Variants in CSMD3 observed in about 807,000 individuals in gnomAD.
CSMD3 encodes CUB and Sushi multiple domains 3.
A neutral mutation model predicts 435.2 loss-of-function variants in CSMD3; 177 were observed. The observed-to-expected ratio is 0.41, with a 90% CI of 0.36 to 0.46. CSMD3 has a LOEUF of 0.46. Ranked by LOEUF, CSMD3 falls within the 20% of genes least tolerant of loss-of-function variation. The pLI is 0.34. For synonymous variants in CSMD3, 1,656 were observed against 1,520.5 expected (o/e 1.09, Z -2.07); for missense variants, 4,265 against 4,504.6 (o/e 0.95, Z 1.52).
intron 7 of CSMD3, among the ~76,000 whole-genome samples, chr8:112,965,938 T>C (rs1000455930): frequency 6.6e-6 from 1 of 151,860 alleles, no homozygotes; most frequent in Non-Finnish European, 1.5e-5. Context: ...AATGATAAAT[T>C]GGTACATTTC....
intron 13 of CSMD3, among the ~76,000 whole-genome samples, chr8:112,795,799 C>A (rs1009793571): frequency 1.3e-5 from 2 of 152,092 alleles, no homozygotes; most frequent in Non-Finnish European, 2.9e-5. Flanking sequence ...CTAATTATTA[C>A]AATGCCTAAT....
intron 5 of CSMD3, among the ~76,000 whole-genome samples, chr8:113,093,157 A>G (rs905468286): frequency 4.6e-5 from 7 of 152,102 alleles, no homozygotes; most frequent in African/African-American, 1.7e-4. Flanking sequence ...TTGAGCAAAG[A>G]TATGTGTACA....
intron 4 of CSMD3, among the ~76,000 whole-genome samples, chr8:113,168,859 T>C (rs1182817504): frequency 6.6e-6 from 1 of 152,164 alleles, no homozygotes; most frequent in Non-Finnish European, 1.5e-5. Context: ...TAATTGGGAC[T>C]TACTATGCAT....
In CSMD3 at chr8:112,852,000, G is replaced by A. The variant is rs953142495; in HGVS notation, c.1755+7145C>T. Among the ~76,000 whole-genome samples, 5 of 152,214 alleles carry A rather than the reference G, an allele frequency of 3.3e-5. No homozygotes were observed. In the East Asian group the frequency reaches 9.7e-4, roughly 29 times the overall value. The stretch of plus-strand genomic sequence containing the variant: ...GAAGATTGGTTCAGGGGTCAACAGA[G>A]CAGTGAGGGAGCCAGGAGCAGCAAG... On this transcript the variant is annotated intron_variant, in intron 11 of 70. Coordinates refer to ENST00000297405, the MANE Select transcript of CSMD3 (RefSeq NM_198123.2).
At position 113,076,899 on chromosome 8, in the gene CSMD3, A is replaced by G. The variant is rs998433943; in HGVS notation, c.917+21857T>C. Among the ~76,000 whole-genome samples the G allele has an allele frequency of 2.6e-5, 4 of 152,174 alleles. 1 individual carries two copies. Among genetic ancestry groups the G allele is most frequent in the Admixed American group, 2.0e-4 (3 of 15,274 alleles). ...GTAATAATTCATCATATTATTTATCACAAGATGGTTTGAAAACACTGTTAT... is the reference window on the plus strand; with the variant it reads ...GTAATAATTCATCATATTATTTATCGCAAGATGGTTTGAAAACACTGTTAT... On this transcript the variant is annotated intron_variant, in intron 5 of 70. Transcript: ENST00000297405.
Position 112,655,250 on chromosome 8 carries a change from G to C in CSMD3, c.3004+904C>G, listed in dbSNP as rs77205201. 3.6e-3 allele frequency among the ~76,000 whole-genome samples: 547 copies of C among 151,894 alleles called. 5 individuals carry two copies. Among genetic ancestry groups the C allele is most frequent in the African/African-American group, 0.012 (511 of 41,450 alleles). Reference sequence around the variant, plus strand: ...AGAAATCTCTTCTTGAGGGGGAAAGGGTCATAATTAACTTGAATATTAAAA... The same window carrying C: ...AGAAATCTCTTCTTGAGGGGGAAAGCGTCATAATTAACTTGAATATTAAAA... On this transcript the variant is annotated intron_variant, in intron 18 of 70. Transcript: ENST00000297405.
chr8:112,825,633 A>G (rs1212515535), intron 12 of CSMD3, among the ~76,000 whole-genome samples: 1 of 152,044 alleles, frequency 6.6e-6, no homozygotes, highest in Non-Finnish European at 1.5e-5. Flanking sequence ...TTCAGGCCCT[A>G]TTCATCTGGT....
At chr8:112,877,891 T>G (rs2081333797) in intron 10 of CSMD3, among the ~76,000 whole-genome samples, 1 of 152,076 alleles carries the variant, frequency 6.6e-6, no homozygotes, top group South Asian at 2.1e-4. Context: ...CTGGACCCAT[T>G]CCTTACACCT....
At chr8:112,332,546 A>G (rs1824166952) in intron 45 of CSMD3, among the ~76,000 whole-genome samples, 1 of 152,152 alleles carries the variant, frequency 6.6e-6, no homozygotes, top group Non-Finnish European at 1.5e-5. Flanking sequence ...GGCAGGTAGG[A>G]ATGAAAGCAG....
At chr8:113,082,359 G>A (rs908305067) in intron 5 of CSMD3, among the ~76,000 whole-genome samples, 6 of 152,032 alleles carry the variant, frequency 3.9e-5, no homozygotes, top group Non-Finnish European at 8.8e-5. Context: ...ACCTACTCAG[G>A]AACTCACAGA....
chr8:113,080,266 A>G (rs745468874), intron 5 of CSMD3, among the ~76,000 whole-genome samples: 1 of 152,192 alleles, frequency 6.6e-6, no homozygotes, highest in African/African-American at 2.4e-5. Context: ...ATTATTTTAC[A>G]TCTCTCTTTC....
At chr8:113,270,623 C>T (rs541802048) in intron 3 of CSMD3, among the ~76,000 whole-genome samples, 69 of 152,170 alleles carry the variant, frequency 4.5e-4, no homozygotes, top group African/African-American at 1.6e-3. Context: ...GGCACATATA[C>T]ACCATGGAAT....
chr8:113,232,179 T>C (rs1422084037), intron 3 of CSMD3, among the ~76,000 whole-genome samples: 2 of 151,606 alleles, frequency 1.3e-5, no homozygotes, highest in African/African-American at 4.8e-5. Flanking sequence ...ATTGGCTATT[T>C]ACTTGTAAAA....
At chr8:112,451,084 A>T (rs1002177314) in intron 32 of CSMD3, among the ~76,000 whole-genome samples, 1 of 152,208 alleles carries the variant, frequency 6.6e-6, no homozygotes, top group Admixed American at 6.5e-5. Flanking sequence ...AATCATGATG[A>T]TGAAAAATAT....
Position 112,648,222 on chromosome 8 carries a change from T to C in CSMD3, c.3193+1939A>G, listed in dbSNP as rs181313012. Among the ~76,000 whole-genome samples, 92 of 152,318 alleles carry C rather than the reference T, an allele frequency of 6.0e-4. No homozygotes were observed. In the East Asian group the frequency reaches 0.017, roughly 28 times the overall value. ...AAAAGTTTCTGTTAAAGGAAAGGTC[T>C]GATCAAATCTGTTCACTAGGTGATA... On this transcript the variant is annotated intron_variant, in intron 19 of 70. Transcript: ENST00000297405.
At chr8:113,002,758 CA>C (rs1391072858) in intron 6 of CSMD3, among the ~76,000 whole-genome samples, 1 of 152,046 alleles carries the variant, frequency 6.6e-6, no homozygotes. Context: ...TAAAGAGATA[CA>C]AACTTTCCTG....
intron 3 of CSMD3, among the ~76,000 whole-genome samples, chr8:113,260,815 A>T (rs530265015): frequency 2.6e-5 from 4 of 152,214 alleles, no homozygotes; most frequent in Non-Finnish European, 5.9e-5. Context: ...GTGAGTGAGA[A>T]CATGTGGTGT....
intron 13 of CSMD3, among the ~76,000 whole-genome samples, chr8:112,757,778 G>T (rs1431697114): frequency 6.6e-6 from 1 of 152,124 alleles, no homozygotes; most frequent in African/African-American, 2.4e-5. Context: ...TTTAGGCCAG[G>T]CATGGTGGCT....
rs1254128874 is a variant in CSMD3, at chr8:112,920,914, T to TACAC, written c.1633+712_1633+713insGTGT. On this transcript the variant is annotated intron_variant, in intron 10 of 70. Transcript: ENST00000297405. ...GTCAATATTTTGCCATATATATATA[T>TACAC]ATATACACACACACACACACACACA... Among the ~76,000 whole-genome samples the TACAC allele has an allele frequency of 4.5e-4, 64 of 142,178 alleles. 1 individual carries two copies. Among genetic ancestry groups the TACAC allele is most frequent in the African/African-American group, 1.4e-3 (55 of 40,166 alleles). 93.3% of individuals were successfully genotyped at this position (142,178 alleles called of 152,430 possible). A position where few individuals can be genotyped will look rare whatever the true frequency, so the allele number is the denominator to read the frequency against.
Sources: allele counts gnomAD v4.1 joint callset (sites outside exome capture counted in the v4.1 genomes callset), GRCh38; gene constraint gnomAD v4.1.1; transcripts MANE v1.5; gene names NCBI Gene and HGNC (gene_info 2026-07-23, HGNC 2026-07-21).